SAV1: variants seen among roughly 807,000 people sequenced by gnomAD.
SAV1 encodes the protein salvador family WW domain containing protein 1.
SAV1 carries 23 observed loss-of-function variants against 47.3 expected under a neutral mutation model. The ratio of observed to expected loss-of-function variants is 0.49; its 90% CI spans 0.35 to 0.69. SAV1 has a LOEUF of 0.69. SAV1 is among the 30% of genes least tolerant of loss of function. The pLI is 0.01. For synonymous variants in SAV1, 155 were observed against 159.2 expected, an observed-to-expected ratio of 0.97 and a Z score of 0.20; for missense variants, 448 against 457.4, an observed-to-expected ratio of 0.98 and a Z score of 0.19.
At chr14:50,640,624 G>T (rs942831113) in intron 4 of SAV1, 126 bp downstream of exon 4, 1 of 656,132 alleles carries the variant, frequency 1.5e-6, no homozygotes, top group East Asian at 3.0e-5. Flanking sequence ...TTCAAGTCAC[G>T]TATTACTTAG....
intron 4 of SAV1, 118 bp downstream of exon 4, chr14:50,640,632 T>C: frequency 6.3e-6 from 5 of 797,784 alleles, no homozygotes; most frequent in Non-Finnish European, 9.3e-6. Context: ...ACGTATTACT[T>C]AGAAGCCGAA....
chr14:50,650,939 T>C (rs1382574161), intron 2 of SAV1, among the ~76,000 whole-genome samples: 2 of 151,882 alleles, frequency 1.3e-5, no homozygotes, highest in African/African-American at 4.8e-5. Flanking sequence ...AGGAGAACAC[T>C]TGAACCTGGG....
At position 50,656,992 on chromosome 14, in the gene SAV1, A is replaced by G. The variant is rs191824412; in HGVS notation, c.535+8187T>C. ...AACTTCAATAACTAACATCCCAAGT[A>G]TGTGGGAAAAGCACAGAACACAAAA... On this transcript the variant is annotated intron_variant, in intron 2 of 4. Transcript: ENST00000324679. Among the ~76,000 whole-genome samples, 321 of 150,664 alleles carry G rather than the reference A, an allele frequency of 2.1e-3. 2 individuals carry two copies. In the Middle Eastern group the frequency reaches 0.028, roughly 13 times the overall value.
chr14:50,665,074 G>A (rs1595654635), intron 2 of SAV1, 105 bp downstream of exon 2: 6 of 1,425,746 alleles, frequency 4.2e-6, no homozygotes, highest in East Asian at 2.5e-5. Flanking sequence ...AAAACATTTC[G>A]CTAGTAGTAT....
At chr14:50,652,508 G>C (rs1480126418) in intron 2 of SAV1, among the ~76,000 whole-genome samples, 1 of 152,116 alleles carries the variant, frequency 6.6e-6, no homozygotes, top group East Asian at 1.9e-4. Flanking sequence ...TATGAGCCTG[G>C]AACATCTAGT....
chr14:50,653,336 A>C (rs990207090), intron 2 of SAV1, among the ~76,000 whole-genome samples: 4 of 152,184 alleles, frequency 2.6e-5, no homozygotes, highest in Non-Finnish European at 5.9e-5. Flanking sequence ...ATAGCAAACA[A>C]AGGAAAAGAT....
At chr14:50,667,446 G>A (rs1357116450) in intron 1 of SAV1, 1 of 456,708 alleles carries the variant, frequency 2.2e-6, no homozygotes, top group Admixed American at 2.3e-5. Context: ...ACAACTTGCA[G>A]CACAGTCGAG....
At chr14:50,644,218 T>A (rs1348622272) in intron 3 of SAV1, among the ~76,000 whole-genome samples, 1 of 152,210 alleles carries the variant, frequency 6.6e-6, no homozygotes, top group African/African-American at 2.4e-5. Flanking sequence ...CAGCCCAGTA[T>A]CAATCAAAAC....
In SAV1 at chr14:50,634,162, GT is replaced by G; in HGVS notation, c.*1020del. The G allele has an allele frequency of 2.2e-6, 1 of 455,278 alleles. No homozygotes were observed. 28.2% of individuals were successfully genotyped at this position (455,278 alleles called of 1,614,324 possible). On this transcript the variant is annotated 3_prime_UTR_variant, in exon 5 of 5. Transcript: ENST00000324679. ...CCTCGTCAGAGCCATGCTAAATGCAGTAACAGCACTGGCTGAAAATAAGGAA... is the reference window on the plus strand; with the variant it reads ...CCTCGTCAGAGCCATGCTAAATGCAGAACAGCACTGGCTGAAAATAAGGAA...
chr14:50,644,312 T>C (rs949088156), intron 3 of SAV1, among the ~76,000 whole-genome samples: 3 of 152,154 alleles, frequency 2.0e-5, no homozygotes, highest in Non-Finnish European at 2.9e-5. Context: ...TGTCTAGTAA[T>C]AGCAAGAAAC....
chr14:50,646,167 T>C (rs2039719690), intron 2 of SAV1, among the ~76,000 whole-genome samples: 1 of 152,204 alleles, frequency 6.6e-6, no homozygotes, highest in Admixed American at 6.5e-5. Context: ...TATTTTCCTA[T>C]ACATACGTAT....
At chr14:50,659,828 A>G (rs959190822) in intron 2 of SAV1, among the ~76,000 whole-genome samples, 1 of 152,192 alleles carries the variant, frequency 6.6e-6, no homozygotes, top group Non-Finnish European at 1.5e-5. Context: ...CGGGCAACAG[A>G]GCAAGATCCT....
At chr14:50,667,577 C>G (rs2039913339) in intron 1 of SAV1, 1 of 501,742 alleles carries the variant, frequency 2.0e-6, no homozygotes, top group African/African-American at 2.0e-5. Context: ...TAAATGTTTC[C>G]TACTCTCTCT....
intron 4 of SAV1, among the ~76,000 whole-genome samples, chr14:50,638,310 A>C (rs1264126239): frequency 6.6e-6 from 1 of 152,214 alleles, no homozygotes; most frequent in Non-Finnish European, 1.5e-5. Flanking sequence ...GTATATACAC[A>C]GGTAAATCAT....
chr14:50,662,586 T>C (rs968466318), intron 2 of SAV1: 3 of 152,230 alleles, frequency 2.0e-5, no homozygotes, highest in African/African-American at 7.2e-5. Flanking sequence ...CTTAGAAAAA[T>C]TATCTCAAAT....
In SAV1 at chr14:50,654,065, G is replaced by T. The variant is rs149787710; in HGVS notation, c.536-9051C>A. ...TCCCGTCTCCATATTGATGGCTGCT[G>T]ACTAATCAGGCTGGTGGTGTTTGAA... On this transcript the variant is annotated intron_variant, in intron 2 of 4. Transcript: ENST00000324679. Among the ~76,000 whole-genome samples, 149 of 152,236 alleles carry T rather than the reference G, an allele frequency of 9.8e-4. 2 individuals are homozygous for T. In the East Asian group the frequency reaches 0.012, roughly 12 times the overall value.
Position 50,665,374 on chromosome 14 carries a change from G to C in SAV1, c.340C>G (p.Gln114Glu), listed in dbSNP as rs774955547. 1.9e-6 allele frequency: 3 copies of C among 1,611,820 alleles called. No individual in the cohort carries two copies. The Admixed American group carries it at 5.0e-5, about 27-fold the overall frequency. Residue 114 changes from glutamine (Q) to glutamate (E), a missense_variant, in exon 2 of 5, where the codon CAG becomes GAG. Coordinates refer to ENST00000324679, the MANE Select transcript of SAV1 (RefSeq NM_021818.4). ...AAACTAACTTCCGTTACAAATGACTGAGAAGAACCATACTCTCTAGGGACA... is the reference window on the plus strand; with the variant it reads ...AAACTAACTTCCGTTACAAATGACTCAGAAGAACCATACTCTCTAGGGACA... Reference protein sequence around the residue: ...ADVPREYGSSQSFVTEVSFAV... With the variant: ...ADVPREYGSSESFVTEVSFAV...
chr14:50,652,892 G>A (rs748261078), intron 2 of SAV1, among the ~76,000 whole-genome samples: 5 of 152,164 alleles, frequency 3.3e-5, no homozygotes, highest in Non-Finnish European at 4.4e-5. Flanking sequence ...TTAGCCAGGC[G>A]TGGTGGCACG....
chr14:50,634,115 T>C lies in SAV1; in HGVS notation c.*1068A>G, dbSNP rs759947024. 2 of 451,622 alleles carry C rather than the reference T, an allele frequency of 4.4e-6. No individual in the cohort carries two copies. Among genetic ancestry groups the C allele is most frequent in the African/African-American group, 2.0e-5 (1 of 49,980 alleles). The allele number at this position is 451,622 out of a possible 1,614,324, so 28.0% of individuals were successfully genotyped here. On this transcript the variant is annotated 3_prime_UTR_variant, in exon 5 of 5. Coordinates refer to ENST00000324679, the MANE Select transcript of SAV1 (RefSeq NM_021818.4). ...CAGTCTGTCAGAAGGCAGTATGCTA[T>C]GCTGTCAGGAACTCTCCACTGCCTC...
Sources: allele counts gnomAD v4.1 joint callset (sites outside exome capture counted in the v4.1 genomes callset), GRCh38; gene constraint gnomAD v4.1.1; transcripts MANE v1.5; gene names NCBI Gene and HGNC (gene_info 2026-07-23, HGNC 2026-07-21).